SH3GL3: variants seen among roughly 807,000 people sequenced by gnomAD.
The protein encoded by SH3GL3 is SH3 domain containing GRB2 like 3, endophilin A3, also known as endophilin-A3.
SH3GL3 carries 33 observed loss-of-function variants against 47.7 expected under a neutral mutation model. The observed-to-expected ratio is 0.69, with a 90% CI of 0.52 to 0.92. The LOEUF (loss-of-function observed/expected upper bound fraction) is 0.92. Among genes scored for constraint, SH3GL3 ranks in the 40% least tolerant of loss-of-function variants. The pLI is 0.00. For missense variants in SH3GL3, 363 were observed against 417.8 expected, an observed-to-expected ratio of 0.87 and a Z score of 1.14; for synonymous variants, 155 against 148.8, an observed-to-expected ratio of 1.04 and a Z score of -0.30.
intron 1 of SH3GL3, among the ~76,000 whole-genome samples, chr15:83,512,589 C>T (rs1437828205): frequency 6.6e-6 from 1 of 152,140 alleles, no homozygotes; most frequent in Non-Finnish European, 1.5e-5. Context: ...TTTGTGTCTG[C>T]CCCTGTAAGG....
intron 8 of SH3GL3, among the ~76,000 whole-genome samples, chr15:83,590,017 G>A (rs2060053970): frequency 6.6e-6 from 1 of 152,154 alleles, no homozygotes; most frequent in African/African-American, 2.4e-5. Context: ...GCATTTTCAT[G>A]ATTATTAGTG....
At chr15:83,528,425 T>C (rs1292134153) in intron 1 of SH3GL3, among the ~76,000 whole-genome samples, 1 of 152,192 alleles carries the variant, frequency 6.6e-6, no homozygotes, top group African/African-American at 2.4e-5. Flanking sequence ...TTCTGGATCA[T>C]CCAGAATTTG....
At chr15:83,506,937 C>A (rs1010449250) in intron 1 of SH3GL3, among the ~76,000 whole-genome samples, 4 of 151,024 alleles carry the variant, frequency 2.6e-5, no homozygotes, top group Non-Finnish European at 5.9e-5. Context: ...TTATAGAAAT[C>A]ATTCTCTTTT....
chr15:83,470,822 A>G lies in SH3GL3; in HGVS notation c.45+23244A>G, dbSNP rs190164788. On this transcript the variant is annotated intron_variant, in intron 1 of 8. Coordinates refer to ENST00000427482, the MANE Select transcript of SH3GL3 (RefSeq NM_003027.5). ...TACTGCAGTTGTCGTGGCTGTTCAC[A>G]TGTGTGTGTATACATACACACACAC... is the stretch of plus-strand genomic sequence containing the variant. 2.2e-3 allele frequency among the ~76,000 whole-genome samples: 338 copies of G among 152,128 alleles called. 5 individuals are homozygous for G. Among genetic ancestry groups the G allele is most frequent in the Admixed American group, 0.019 (292 of 15,282 alleles).
intron 1 of SH3GL3, among the ~76,000 whole-genome samples, chr15:83,516,032 C>G (rs1012565046): frequency 6.7e-6 from 1 of 149,324 alleles, no homozygotes; most frequent in Non-Finnish European, 1.5e-5. Flanking sequence ...AAAAACAGAC[C>G]AAGATAAATC....
intron 1 of SH3GL3, among the ~76,000 whole-genome samples, chr15:83,499,206 A>G (rs2042199389): frequency 6.6e-6 from 1 of 152,094 alleles, no homozygotes; most frequent in South Asian, 2.1e-4. Flanking sequence ...TTAATGTCTA[A>G]GGCCTGGAAA....
intron 8 of SH3GL3, among the ~76,000 whole-genome samples, chr15:83,606,681 T>A (rs2060524368): frequency 6.6e-6 from 1 of 152,046 alleles, no homozygotes; most frequent in Non-Finnish European, 1.5e-5. Flanking sequence ...GAAACAAGAG[T>A]CCCATGTTAT....
chr15:83,550,152 T>G (rs1267153564), intron 1 of SH3GL3, among the ~76,000 whole-genome samples: 1 of 152,218 alleles, frequency 6.6e-6, no homozygotes, highest in Admixed American at 6.5e-5. Flanking sequence ...TAAAATTGTG[T>G]TGCCATGTTC....
At chr15:83,624,373 A>G in the SH3GL3 span, among the ~76,000 whole-genome samples, 3 of 152,206 alleles carry the variant, frequency 2.0e-5, no homozygotes, top group African/African-American at 7.2e-5. Context: ...ACCAGGGTTC[A>G]GCTCAAGGGG....
intron 4 of SH3GL3, among the ~76,000 whole-genome samples, chr15:83,571,829 C>A (rs989553321): frequency 6.6e-6 from 1 of 152,064 alleles, no homozygotes. Flanking sequence ...TTCTAGAGAC[C>A]CTGCAACCCT....
chr15:83,508,749 T>G (rs1818056900), intron 1 of SH3GL3, among the ~76,000 whole-genome samples: 1 of 152,114 alleles, frequency 6.6e-6, no homozygotes, highest in African/African-American at 2.4e-5. Context: ...ACTTAATATT[T>G]GTATTTTTAG....
intron 1 of SH3GL3, among the ~76,000 whole-genome samples, chr15:83,485,785 C>G (rs1201321111): frequency 6.6e-6 from 1 of 152,158 alleles, no homozygotes; most frequent in Non-Finnish European, 1.5e-5. Context: ...GCATGAGCCA[C>G]CATGCCTGGC....
chr15:83,467,851 G>A lies in SH3GL3; in HGVS notation c.45+20273G>A, dbSNP rs550980323. ...TTTTTTTATTTTATTTTTTTGAGACGGAGTCTCTCTCTGTCACCCAGGCTA... is the reference window on the plus strand; with the variant it reads ...TTTTTTTATTTTATTTTTTTGAGACAGAGTCTCTCTCTGTCACCCAGGCTA... On this transcript the variant is annotated intron_variant, in intron 1 of 8. Transcript: ENST00000427482. Among the ~76,000 whole-genome samples the A allele has an allele frequency of 2.2e-3, 335 of 151,724 alleles. 2 individuals carry two copies. The highest frequency in any genetic ancestry group is 7.6e-3 in the African/African-American group (313 of 41,350).
At chr15:83,562,590 A>G (rs1374301979) in intron 2 of SH3GL3, among the ~76,000 whole-genome samples, 1 of 152,204 alleles carries the variant, frequency 6.6e-6, no homozygotes, top group Non-Finnish European at 1.5e-5. Context: ...ATTTTGCTAT[A>G]TGATGAAAAT....
chr15:83,545,891 C>T (rs1278707703), intron 1 of SH3GL3, among the ~76,000 whole-genome samples: 2 of 152,150 alleles, frequency 1.3e-5, no homozygotes, highest in Non-Finnish European at 2.9e-5. Flanking sequence ...TGCAATCTCT[C>T]TCTCCATGCT....
intron 6 of SH3GL3, among the ~76,000 whole-genome samples, chr15:83,579,574 C>T (rs956784441): frequency 2.2e-4 from 33 of 152,154 alleles, no homozygotes; most frequent in African/African-American, 6.3e-4. Context: ...CTGCTTCTTG[C>T]GGTAATGGTG....
chr15:83,572,622 C>G lies in SH3GL3; in HGVS notation c.389C>G (p.Ser130Cys), dbSNP rs1044301001. The G allele has an allele frequency of 1.2e-6, 2 of 1,610,422 alleles. No homozygotes were observed. The highest frequency in any genetic ancestry group is 2.2e-5 in the South Asian group (2 of 90,980). Residue 130 changes from serine to cysteine, a missense_variant, in exon 5 of 9, where the codon TCT becomes TGT. Coordinates refer to ENST00000427482, the MANE Select transcript of SH3GL3 (RefSeq NM_003027.5). ...AAGCTAATGGCTGAGGTGAAAGACT[C>G]TCTTGATATTAATGTAAAGCAAACT... ...SMKLMAEVKD[S>C]LDINVKQTFI...
intron 1 of SH3GL3, among the ~76,000 whole-genome samples, chr15:83,537,400 C>A (rs1440588066): frequency 1.3e-5 from 2 of 152,290 alleles, no homozygotes; most frequent in Admixed American, 1.3e-4. Flanking sequence ...GTGTCAGATA[C>A]TGTTCTAAAT....
At chr15:83,561,230 G>T in intron 2 of SH3GL3, among the ~76,000 whole-genome samples, 1 of 151,782 alleles carries the variant, frequency 6.6e-6, no homozygotes, top group Non-Finnish European at 1.5e-5. Flanking sequence ...TTATGTACTA[G>T]GTTATAGAAA....
Sources: allele counts gnomAD v4.1 joint callset (sites outside exome capture counted in the v4.1 genomes callset), GRCh38; gene constraint gnomAD v4.1.1; transcripts MANE v1.5; gene names NCBI Gene and HGNC (gene_info 2026-07-23, HGNC 2026-07-21).